GPM6A: variants seen among roughly 807,000 people sequenced by gnomAD.
GPM6A encodes the protein neuronal membrane glycoprotein M6-a.
GPM6A carries 7 observed loss-of-function variants against 32.1 expected under a neutral mutation model. The observed-to-expected ratio is 0.22, with a 90% CI of 0.12 to 0.41. The LOEUF is 0.41. GPM6A is among the 10% of genes least tolerant of loss of function. The pLI, the probability that GPM6A is intolerant of heterozygous loss-of-function variation, is 1.00. For synonymous variants in GPM6A, 130 were observed against 123.4 expected, an observed-to-expected ratio of 1.05 and a Z score of -0.35; for missense variants, 235 against 347.2, an observed-to-expected ratio of 0.68 and a Z score of 2.57.
At chr4:175,988,643 CA>C (rs1321167024) in intron 1 of GPM6A, among the ~76,000 whole-genome samples, 1 of 152,086 alleles carries the variant, frequency 6.6e-6, no homozygotes, top group Non-Finnish European at 1.5e-5. Context: ...ATGCAGTGAT[CA>C]AAACTGAAAT....
chr4:175,939,983 G>A (rs1406080028), intron 1 of GPM6A, among the ~76,000 whole-genome samples: 1 of 152,072 alleles, frequency 6.6e-6, no homozygotes, highest in Non-Finnish European at 1.5e-5. Flanking sequence ...ATCTTAACAT[G>A]CCAGTTAAGG....
intron 2 of GPM6A, among the ~76,000 whole-genome samples, chr4:175,697,413 A>T (rs562657541): frequency 6.6e-6 from 1 of 152,294 alleles, no homozygotes; most frequent in South Asian, 2.1e-4. Flanking sequence ...TCTGATGAAA[A>T]AAATGTCCTC....
At chr4:175,911,950 G>C (rs1405910330) in intron 1 of GPM6A, among the ~76,000 whole-genome samples, 1 of 152,146 alleles carries the variant, frequency 6.6e-6, no homozygotes, top group East Asian at 1.9e-4. Context: ...GGCATAATTT[G>C]AGGTCATTTT....
In GPM6A at chr4:175,685,040, A is replaced by T. The variant is rs569090458; in HGVS notation, c.231-11204T>A. 1.4e-4 allele frequency among the ~76,000 whole-genome samples: 21 copies of T among 152,136 alleles called. No homozygotes were observed. The East Asian group carries it at 3.7e-3, about 27-fold the overall frequency. ...GTAGCTGGGACTACAGGGGCCCACC[A>T]CCACGCCCGGCTAATTTTTTTGTAT... On this transcript the variant is annotated intron_variant, in intron 2 of 6. Coordinates refer to ENST00000393658, the MANE Select transcript of GPM6A (RefSeq NM_201591.3).
intron 1 of GPM6A, among the ~76,000 whole-genome samples, chr4:175,734,918 C>A (rs191445112): frequency 6.1e-4 from 93 of 152,164 alleles, no homozygotes; most frequent in African/African-American, 2.1e-3. Flanking sequence ...CCCTTTTATA[C>A]CCTTGAGAAT....
intron 1 of GPM6A, among the ~76,000 whole-genome samples, chr4:175,790,728 A>C (rs917731575): frequency 2.0e-5 from 3 of 152,206 alleles, no homozygotes; most frequent in African/African-American, 7.2e-5. Context: ...TTGTTTTAAA[A>C]AGTCTTCATT....
At chr4:175,887,461 A>C (rs1222283153) in intron 1 of GPM6A, among the ~76,000 whole-genome samples, 1 of 151,992 alleles carries the variant, frequency 6.6e-6, no homozygotes, top group Admixed American at 6.5e-5. Context: ...TATTTTAGAA[A>C]GAAAAACATT....
intron 1 of GPM6A, among the ~76,000 whole-genome samples, chr4:175,944,432 G>A (rs1452920073): frequency 6.6e-6 from 1 of 152,168 alleles, no homozygotes; most frequent in African/African-American, 2.4e-5. Context: ...TTCTTTTTAA[G>A]TGTTTGTAAT....
intron 1 of GPM6A, among the ~76,000 whole-genome samples, chr4:175,826,334 C>T (rs957972279): frequency 2.0e-5 from 3 of 149,756 alleles, no homozygotes; most frequent in Non-Finnish European, 4.5e-5. Context: ...GTGGCGTACA[C>T]GTGTGTGTGT....
intron 1 of GPM6A, among the ~76,000 whole-genome samples, chr4:175,903,116 G>A: frequency 6.6e-6 from 1 of 152,072 alleles, no homozygotes; most frequent in Admixed American, 6.6e-5. Flanking sequence ...TGATTCTGGG[G>A]TTGATGAAGG....
Position 175,708,147 on chromosome 4 carries a change from C to T in GPM6A, c.38-6380G>A, listed in dbSNP as rs116458177. Among the ~76,000 whole-genome samples the T allele has an allele frequency of 2.4e-3, 363 of 152,068 alleles. 1 individual carries two copies. Among genetic ancestry groups the T allele is most frequent in the African/African-American group, 8.3e-3 (344 of 41,480 alleles). Reference sequence around the variant, plus strand: ...AATCTCTGCTTTCATTGTAGAGGTGCAAGCAAGATTATAAACAAGATACTG... The same window carrying T: ...AATCTCTGCTTTCATTGTAGAGGTGTAAGCAAGATTATAAACAAGATACTG... On this transcript the variant is annotated intron_variant, in intron 1 of 6. Transcript: ENST00000393658.
intron 4 of GPM6A, among the ~76,000 whole-genome samples, chr4:175,651,082 C>T (rs1299705322): frequency 6.6e-6 from 1 of 152,094 alleles, no homozygotes; most frequent in African/African-American, 2.4e-5. Context: ...CTGATTCAAC[C>T]TGCGTTGCCC....
At chr4:175,827,881 G>C (rs1735488350) in intron 1 of GPM6A, among the ~76,000 whole-genome samples, 1 of 152,156 alleles carries the variant, frequency 6.6e-6, no homozygotes, top group Admixed American at 6.5e-5. Flanking sequence ...ACATTAGTCT[G>C]CTTCTTCCTC....
intron 1 of GPM6A, among the ~76,000 whole-genome samples, chr4:175,923,707 C>T (rs1236621503): frequency 2.0e-5 from 3 of 152,018 alleles, no homozygotes; most frequent in African/African-American, 7.2e-5. Context: ...GCATGCACCA[C>T]CATGCCCAGC....
intron 1 of GPM6A, among the ~76,000 whole-genome samples, chr4:175,732,757 T>C (rs1731488544): frequency 6.6e-6 from 1 of 152,216 alleles, no homozygotes; most frequent in African/African-American, 2.4e-5. Flanking sequence ...TCTTCATACA[T>C]TGAAGGTTAT....
At chr4:175,666,064 G>T (rs1256819993) in intron 3 of GPM6A, among the ~76,000 whole-genome samples, 2 of 151,366 alleles carry the variant, frequency 1.3e-5, no homozygotes, top group African/African-American at 4.9e-5. Context: ...GATTACAGGT[G>T]CCCACCACCA....
intron 2 of GPM6A, among the ~76,000 whole-genome samples, chr4:175,683,975 C>G (rs1340483851): frequency 6.6e-6 from 1 of 151,752 alleles, no homozygotes; most frequent in Non-Finnish European, 1.5e-5. Context: ...GGGATTACAG[C>G]CGTGCACCAC....
At chr4:175,912,676 G>A (rs963335147) in intron 1 of GPM6A, among the ~76,000 whole-genome samples, 1 of 151,882 alleles carries the variant, frequency 6.6e-6, no homozygotes, top group Non-Finnish European at 1.5e-5. Context: ...CAACAAAAAA[G>A]AATAAAGGTG....
intron 1 of GPM6A, among the ~76,000 whole-genome samples, chr4:175,726,102 C>G (rs912419124): frequency 6.7e-6 from 1 of 149,846 alleles, no homozygotes; most frequent in African/African-American, 2.5e-5. Flanking sequence ...ATGCCATTCT[C>G]CTGCCTCAGC....
Sources: allele counts gnomAD v4.1 joint callset (sites outside exome capture counted in the v4.1 genomes callset), GRCh38; gene constraint gnomAD v4.1.1; transcripts MANE v1.5; gene names NCBI Gene and HGNC (gene_info 2026-07-23, HGNC 2026-07-21).